The following PALM2AKAP2 variants were observed in gnomAD, a reference collection of about 807,000 sequenced individuals.
PALM2AKAP2 encodes PALM2-AKAP2 fusion protein.
Under a neutral mutation model 71.5 loss-of-function variants are expected in PALM2AKAP2, and 37 were observed. The observed-to-expected ratio is 0.52, with a 90% CI of 0.40 to 0.68. The LOEUF (loss-of-function observed/expected upper bound fraction) is 0.68. PALM2AKAP2 is among the 30% of genes least tolerant of loss of function. The pLI, the probability that PALM2AKAP2 is intolerant of heterozygous loss-of-function variation, is 0.00. For missense variants in PALM2AKAP2, 1,224 were observed against 1,191.8 expected (o/e 1.03, Z -0.40); for synonymous variants, 468 against 478.8 (o/e 0.98, Z 0.29).
intron 1 of PALM2AKAP2, among the ~76,000 whole-genome samples, chr9:109,816,981 C>T (rs1564162111): frequency 6.6e-6 from 1 of 152,172 alleles, no homozygotes; most frequent in Non-Finnish European, 1.5e-5. Context: ...TTTTTAAAAA[C>T]TATAGGATGT....
chr9:109,754,727 G>A (rs62578095), intron 1 of PALM2AKAP2, among the ~76,000 whole-genome samples: 30,949 of 152,006 alleles, frequency 0.2, 3,550 homozygotes, highest in East Asian at 0.37. Flanking sequence ...ATAACTGAGA[G>A]GAGAAGCAAG....
intron 1 of PALM2AKAP2, among the ~76,000 whole-genome samples, chr9:110,101,539 G>A (rs544250393): frequency 1.2e-4 from 19 of 152,292 alleles, no homozygotes; most frequent in African/African-American, 4.6e-4. Context: ...GACAAGTAGA[G>A]GTTAGGGAAA....
At chr9:109,968,638 AC>A (rs753088835) in intron 6 of PALM2AKAP2, among the ~76,000 whole-genome samples, 16 of 152,246 alleles carry the variant, frequency 1.1e-4, no homozygotes, top group Middle Eastern at 3.4e-3. Context: ...TTCAGCATCT[AC>A]CACTTGTACC....
At chr9:109,943,399 C>T (rs535977013) in intron 6 of PALM2AKAP2, 111 of 1,612,850 alleles carry the variant, frequency 6.9e-5, no homozygotes, top group Middle Eastern at 1.6e-4. Flanking sequence ...AAAGAAAAAG[C>T]GCTGTCAATG....
At chr9:110,016,159 T>G in intron 7 of PALM2AKAP2, 120 bp downstream of exon 7, 1 of 995,320 alleles carries the variant, frequency 1.0e-6, no homozygotes, top group Non-Finnish European at 1.5e-6. Context: ...GTTCTCTCTC[T>G]ACTCACTGAG....
At chr9:109,937,318 C>T (rs547679099) in intron 6 of PALM2AKAP2, among the ~76,000 whole-genome samples, 1 of 152,286 alleles carries the variant, frequency 6.6e-6, no homozygotes, top group Non-Finnish European at 1.5e-5. Context: ...AACCTAGAGA[C>T]TGGAATTCTC....
rs569708658 is a variant in PALM2AKAP2 at position 109,751,943 on chromosome 9, G to A, written c.6-28545G>A. Reference sequence around the variant, plus strand: ...TCAAAGTGTAGCAAGAACCAGAAAGGTGAGCTATCTAAGTCTAAGAAAAAG... The same window carrying A: ...TCAAAGTGTAGCAAGAACCAGAAAGATGAGCTATCTAAGTCTAAGAAAAAG... On this transcript the variant is annotated intron_variant, in intron 1 of 6. Transcript: ENST00000374531. 1.4e-4 allele frequency among the ~76,000 whole-genome samples: 22 copies of A among 152,244 alleles called. No homozygotes were observed. The South Asian group carries it at 4.4e-3, about 30-fold the overall frequency.
intron 2 of PALM2AKAP2, among the ~76,000 whole-genome samples, chr9:109,876,304 A>G (rs2131737827): frequency 6.6e-6 from 1 of 152,304 alleles, no homozygotes; most frequent in Admixed American, 6.5e-5. Flanking sequence ...AGACAACATA[A>G]GGGGGATCTG....
chr9:109,993,341 T>G (rs901911401), intron 6 of PALM2AKAP2, among the ~76,000 whole-genome samples: 2 of 152,124 alleles, frequency 1.3e-5, no homozygotes. Context: ...GGTTCCCAGG[T>G]GTTATTTAGC....
intron 1 of PALM2AKAP2, among the ~76,000 whole-genome samples, chr9:109,701,146 A>G (rs2118581163): frequency 6.6e-6 from 1 of 152,352 alleles, no homozygotes; most frequent in Admixed American, 6.5e-5. Flanking sequence ...TACCACGGTT[A>G]GAAAATAAAT....
chr9:109,809,616 A>C (rs1316321388), intron 1 of PALM2AKAP2, among the ~76,000 whole-genome samples: 2 of 152,240 alleles, frequency 1.3e-5, no homozygotes, highest in Non-Finnish European at 2.9e-5. Flanking sequence ...GTTAATGCTG[A>C]AATGAGTTAA....
chr9:110,100,412 T>C (rs1224521366), intron 1 of PALM2AKAP2, among the ~76,000 whole-genome samples: 3 of 152,126 alleles, frequency 2.0e-5, no homozygotes, highest in African/African-American at 7.2e-5. Context: ...AGGTGGCTTA[T>C]CATAGCAATG....
chr9:109,777,705 G>A (rs1392104882), upstream of PALM2AKAP2, among the ~76,000 whole-genome samples: 1 of 152,104 alleles, frequency 6.6e-6, no homozygotes, highest in Non-Finnish European at 1.5e-5. Flanking sequence ...TTCTTCATCT[G>A]CATCCCCCAT....
At chr9:110,103,160 G>A (rs1588110902) in intron 1 of PALM2AKAP2, among the ~76,000 whole-genome samples, 2 of 152,132 alleles carry the variant, frequency 1.3e-5, no homozygotes. Context: ...CTCTCAGAGC[G>A]CTTCTCATAG....
intron 7 of PALM2AKAP2, among the ~76,000 whole-genome samples, chr9:110,031,978 A>G (rs1316921273): frequency 2.0e-5 from 3 of 151,224 alleles, no homozygotes; most frequent in Non-Finnish European, 4.4e-5. Flanking sequence ...TACATTTCTC[A>G]TTATCATTCT....
intron 1 of PALM2AKAP2, among the ~76,000 whole-genome samples, chr9:109,701,116 C>A (rs1182697029): frequency 1.3e-5 from 2 of 152,060 alleles, no homozygotes; most frequent in Non-Finnish European, 2.9e-5. Context: ...TGGATACAGA[C>A]AACAAAACAA....
chr9:109,686,988 C>G (rs908532341), intron 1 of PALM2AKAP2, among the ~76,000 whole-genome samples: 1 of 152,114 alleles, frequency 6.6e-6, no homozygotes, highest in Non-Finnish European at 1.5e-5. Flanking sequence ...TCATCCATGT[C>G]CCTACAAAGG....
intron 1 of PALM2AKAP2, among the ~76,000 whole-genome samples, chr9:109,692,345 G>GT (rs1427207251): frequency 2.6e-5 from 4 of 151,368 alleles, no homozygotes; most frequent in South Asian, 4.2e-4. Context: ...TAAGGTTTGG[G>GT]TTTTTTTTAC....
chr9:109,844,962 TGTGCACACAC>T (rs1828815017), intron 1 of PALM2AKAP2, among the ~76,000 whole-genome samples: 2 of 147,282 alleles, frequency 1.4e-5, no homozygotes, highest in South Asian at 4.3e-4. Context: ...TGTGTGTGCA[TGTGCACACAC>T]GCATGCACGC....
Sources: gnomAD v4.1 joint callset for allele counts (sites outside exome capture counted in the v4.1 genomes callset) on GRCh38, gnomAD v4.1.1 for gene constraint, MANE v1.5 for transcripts, NCBI Gene and HGNC (gene_info 2026-07-23, HGNC 2026-07-21) for gene names.